Variants in FAM227A observed in about 807,000 individuals in gnomAD.
FAM227A encodes the protein protein FAM227A.
Under a neutral mutation model 74.7 loss-of-function variants are expected in FAM227A, and 80 were observed. The observed-to-expected ratio is 1.07, with a 90% confidence interval of 0.89 to 1.29. The LOEUF (loss-of-function observed/expected upper bound fraction) is 1.29. Among genes scored for constraint, FAM227A ranks in the 50% most tolerant of loss-of-function variants. The probability of loss-of-function intolerance (pLI) is 0.00; values close to 1 mark genes in which losing one functional copy is unlikely to be tolerated. For missense variants in FAM227A, 654 were observed against 683.4 expected, an observed-to-expected ratio of 0.96 and a Z score of 0.48; for synonymous variants, 237 against 241.8, an observed-to-expected ratio of 0.98 and a Z score of 0.19.
intron 2 of FAM227A, 107 bp downstream of exon 2, chr22:38,649,920 C>A: frequency 7.3e-6 from 7 of 961,858 alleles, no homozygotes; most frequent in South Asian, 3.6e-5. Flanking sequence ...AAGGGACAAG[C>A]TAATAAGTAA....
chr22:38,639,619 T>C (rs2092072366), intron 4 of FAM227A, 36 bp downstream of exon 4: 9 of 1,548,278 alleles, frequency 5.8e-6, no homozygotes, highest in South Asian at 2.4e-5. Flanking sequence ...ACAAACCCCA[T>C]GAAAAGAGCA....
At chr22:38,601,524 T>C (rs1188679452) in intron 13 of FAM227A, among the ~76,000 whole-genome samples, 1 of 152,126 alleles carries the variant, frequency 6.6e-6, no homozygotes, top group Non-Finnish European at 1.5e-5. Context: ...TGGAAGCCAC[T>C]GGCAGATTCT....
intron 14 of FAM227A, among the ~76,000 whole-genome samples, chr22:38,598,369 C>T (rs2091095805): frequency 6.6e-6 from 1 of 152,152 alleles, no homozygotes; most frequent in African/African-American, 2.4e-5. Context: ...GAGCTGTGCA[C>T]ATAAGATCTC....
chr22:38,636,047 AGAAAGAAG>A (rs1264230991), intron 6 of FAM227A, among the ~76,000 whole-genome samples: 12 of 150,546 alleles, frequency 8.0e-5, no homozygotes, highest in African/African-American at 3.0e-4. Context: ...AGAAAGAGAG[AGAAAGAAG>A]GAAAGAAAGA....
In FAM227A at chr22:38,639,694, C is replaced by A. The variant is rs911513916; in HGVS notation, c.256G>T (p.Ala86Ser). ...CTGCTGCGAGTTTTCTCTCTTAAAG[C>A]CTTCTTCTCCAACTCAAATCTCTCA... ...AIERFELEKKALREKTRSSPE... is the reference protein window; with the variant it reads ...AIERFELEKKSLREKTRSSPE... Residue 86 changes from alanine (A) to serine (S), a missense_variant, in exon 4 of 17, where the codon GCT becomes TCT. Physicochemically the swap from Ala to Ser is moderately conservative, Grantham distance 99. Coordinates refer to ENST00000535113, the MANE Select transcript of FAM227A (RefSeq NM_001013647.2). The A allele has an allele frequency of 6.4e-7, 1 of 1,551,862 alleles. No individual in the cohort carries two copies.
intron 6 of FAM227A, 175 bp from the exon 7 acceptor site, chr22:38,629,110 A>ATTATC (rs1375539217): frequency 2.1e-5 from 11 of 515,898 alleles, no homozygotes; most frequent in Non-Finnish European, 3.7e-5. Flanking sequence ...GGAATACATC[A>ATTATC]TTATCTCATA....
intron 2 of FAM227A, among the ~76,000 whole-genome samples, chr22:38,649,341 G>C (rs2092289255): frequency 6.6e-6 from 1 of 152,152 alleles, no homozygotes. Context: ...AAGGCGGGCA[G>C]ATCACCTGAG....
chr22:38,601,165 T>A (rs1296449152), intron 13 of FAM227A, among the ~76,000 whole-genome samples: 1 of 151,510 alleles, frequency 6.6e-6, no homozygotes, highest in East Asian at 1.9e-4. Flanking sequence ...ATGAAAAAAA[T>A]CAACAAATAA....
Position 38,605,297 on chromosome 22 carries a change from C to T in FAM227A, c.1178G>A (p.Arg393Lys), listed in dbSNP as rs2091260276. The T allele has an allele frequency of 5.2e-6, 8 of 1,551,184 alleles. No homozygotes were observed. The highest frequency in any genetic ancestry group is 1.2e-5 in the South Asian group (1 of 84,018). ...CTCACATTCTCTTGCTTCTGATATC[C>T]TCTTGACTTCTTGCGTAGGTTTCTT... ...VLKKPTQEVK[R>K]ISEARECENM... Residue 393 changes from arginine to lysine, a missense_variant, in exon 13 of 17, where the codon AGG becomes AAG. Physicochemically the swap from Arg to Lys is conservative, Grantham distance 26. Coordinates refer to ENST00000535113, the MANE Select transcript of FAM227A (RefSeq NM_001013647.2).
intron 6 of FAM227A, among the ~76,000 whole-genome samples, chr22:38,633,450 T>C (rs956154839): frequency 1.3e-5 from 2 of 152,208 alleles, no homozygotes; most frequent in Non-Finnish European, 2.9e-5. Context: ...CAAGGCAAAC[T>C]GTGCAGGAAC....
intron 3 of FAM227A, 82 bp downstream of exon 3, chr22:38,645,481 C>T (rs2092217299): frequency 4.9e-6 from 4 of 821,648 alleles, no homozygotes; most frequent in South Asian, 1.5e-5. Flanking sequence ...TGGAGAGGCC[C>T]CAGGGCACTG....
chr22:38,648,921 G>C (rs1047038710), intron 2 of FAM227A, among the ~76,000 whole-genome samples: 1 of 151,166 alleles, frequency 6.6e-6, no homozygotes, highest in African/African-American at 2.4e-5. Context: ...GCAGTGAGCC[G>C]AGTCTATGCC....
chr22:38,655,320 A>G (rs1243371627), intron 1 of FAM227A, among the ~76,000 whole-genome samples: 5 of 151,842 alleles, frequency 3.3e-5, no homozygotes, highest in Admixed American at 6.6e-5. Context: ...ACCTGAGGTC[A>G]GGAGTTCGAG....
intron 11 of FAM227A, among the ~76,000 whole-genome samples, chr22:38,615,660 G>T (rs912920950): frequency 6.6e-6 from 1 of 152,210 alleles, no homozygotes; most frequent in African/African-American, 2.4e-5. Context: ...CAGTGGGGGG[G>T]CCTGATTCTG....
rs893961854 is a variant in FAM227A at position 38,582,199 on chromosome 22, T to C, written c.*3926A>G. 1.3e-6 allele frequency: 1 copy of C among 761,154 alleles called. No homozygotes were observed. Among genetic ancestry groups the C allele is most frequent in the East Asian group, 2.7e-5 (1 of 37,204 alleles). The allele number at this position is 761,154 out of a possible 1,614,324, so 47.2% of individuals were successfully genotyped here. Reference sequence around the variant, plus strand: ...CCCCCAAAAGTTTATTTGGGCCTCTTTGTAACCCCTTCCAGCTTCCCTCCT... The same window carrying C: ...CCCCCAAAAGTTTATTTGGGCCTCTCTGTAACCCCTTCCAGCTTCCCTCCT... On this transcript the variant is annotated 3_prime_UTR_variant, in exon 17 of 17. Transcript: ENST00000535113.
intron 3 of FAM227A, among the ~76,000 whole-genome samples, chr22:38,640,563 A>C (rs1187382348): frequency 6.6e-6 from 1 of 152,196 alleles, no homozygotes; most frequent in East Asian, 1.9e-4. Context: ...ATTGATTGTC[A>C]ACCAAGAGTC....
chr22:38,617,981 G>T (rs1023197465), intron 11 of FAM227A, among the ~76,000 whole-genome samples: 2 of 152,088 alleles, frequency 1.3e-5, no homozygotes, highest in African/African-American at 4.8e-5. Flanking sequence ...AAGATTAGCA[G>T]GGGAAACAGC....
intron 15 of FAM227A, among the ~76,000 whole-genome samples, chr22:38,591,848 G>C (rs575051046): frequency 1.3e-5 from 2 of 152,224 alleles, no homozygotes; most frequent in South Asian, 4.1e-4. Context: ...CTGATGTCTA[G>C]TAGCACAGTT....
chr22:38,594,540 T>G (rs766378306), intron 15 of FAM227A, among the ~76,000 whole-genome samples: 1 of 152,198 alleles, frequency 6.6e-6, no homozygotes. Flanking sequence ...GGAGGTATGA[T>G]AGTTTTATTT....
Sources: allele counts gnomAD v4.1 joint callset (sites outside exome capture counted in the v4.1 genomes callset), GRCh38; gene constraint gnomAD v4.1.1; transcripts MANE v1.5; gene names NCBI Gene and HGNC (gene_info 2026-07-23, HGNC 2026-07-21).